OLFM3: variants seen among roughly 807,000 people sequenced by gnomAD.
OLFM3 encodes noelin-3.
Under a neutral mutation model 48.6 loss-of-function variants are expected in OLFM3, and 20 were observed. That is an observed-to-expected ratio of 0.41 (90% CI 0.29 to 0.60). The LOEUF is 0.60. OLFM3 is among the 20% of genes least tolerant of loss of function. The pLI, the probability that OLFM3 is intolerant of heterozygous loss-of-function variation, is 0.28. For missense variants in OLFM3, 437 were observed against 544.3 expected, an observed-to-expected ratio of 0.80 and a Z score of 1.96; for synonymous variants, 222 against 198.1, an observed-to-expected ratio of 1.12 and a Z score of -1.01.
chr1:101,975,257 C>T (rs1352527223), intron 1 of OLFM3, among the ~76,000 whole-genome samples: 4 of 152,248 alleles, frequency 2.6e-5, no homozygotes, highest in East Asian at 3.9e-4. Context: ...AACACACCTA[C>T]ATAGTCTCAT....
At chr1:101,965,099 A>C (rs1222757357) in intron 1 of OLFM3, among the ~76,000 whole-genome samples, 1 of 152,206 alleles carries the variant, frequency 6.6e-6, no homozygotes, top group Admixed American at 6.5e-5. Flanking sequence ...CTTTTAGGAG[A>C]GAGCAACATT....
intron 1 of OLFM3, among the ~76,000 whole-genome samples, chr1:101,875,417 A>C (rs945505268): frequency 6.6e-6 from 1 of 152,002 alleles, no homozygotes; most frequent in Non-Finnish European, 1.5e-5. Context: ...ATCAATTTTA[A>C]TAAAGGTACC....
chr1:101,906,010 T>A (rs74894564), intron 1 of OLFM3, among the ~76,000 whole-genome samples: 5 of 152,156 alleles, frequency 3.3e-5, no homozygotes, highest in African/African-American at 1.2e-4. Flanking sequence ...TCACATCTCT[T>A]CCCTTTTTTA....
chr1:101,852,190 C>T (rs541017778), intron 1 of OLFM3, among the ~76,000 whole-genome samples: 8 of 152,222 alleles, frequency 5.3e-5, no homozygotes, highest in South Asian at 2.1e-4. Flanking sequence ...AGGAATTCCA[C>T]CATTTCTCAC....
intron 1 of OLFM3, among the ~76,000 whole-genome samples, chr1:101,972,861 A>G (rs1289731881): frequency 2.6e-5 from 4 of 152,304 alleles, no homozygotes; most frequent in East Asian, 3.9e-4. Context: ...TACCACAGAA[A>G]GTGGGTTTAT....
intron 1 of OLFM3, among the ~76,000 whole-genome samples, chr1:101,953,787 G>A (rs556078555): frequency 6.6e-6 from 1 of 152,228 alleles, no homozygotes; most frequent in East Asian, 1.9e-4. Context: ...GCTGGGCCCA[G>A]CAGGTACTGT....
At chr1:101,904,720 A>C (rs1182448480) in intron 1 of OLFM3, among the ~76,000 whole-genome samples, 2 of 152,128 alleles carry the variant, frequency 1.3e-5, no homozygotes, top group Non-Finnish European at 2.9e-5. Context: ...GTGAAAACTG[A>C]TGGCAAACAA....
chr1:101,886,144 T>A (rs1657750516), intron 1 of OLFM3, among the ~76,000 whole-genome samples: 1 of 151,978 alleles, frequency 6.6e-6, no homozygotes. Flanking sequence ...TTTAAAAAAA[T>A]TTTGAGTTTT....
chr1:101,904,903 A>C (rs558944786), intron 1 of OLFM3, among the ~76,000 whole-genome samples: 1 of 152,202 alleles, frequency 6.6e-6, no homozygotes, highest in Non-Finnish European at 1.5e-5. Flanking sequence ...ACTCCCTTTC[A>C]GCATGTGGTA....
intron 1 of OLFM3, among the ~76,000 whole-genome samples, chr1:101,856,692 C>G (rs1338051704): frequency 6.6e-6 from 1 of 151,960 alleles, no homozygotes; most frequent in Non-Finnish European, 1.5e-5. Context: ...TTATGTCTCT[C>G]TCACTGACCT....
At chr1:101,831,330 A>G (rs1304721008) in intron 2 of OLFM3, among the ~76,000 whole-genome samples, 2 of 152,166 alleles carry the variant, frequency 1.3e-5, no homozygotes, top group Non-Finnish European at 2.9e-5. Flanking sequence ...GACTGAATTG[A>G]CTAAGACAAG....
chr1:101,915,401 CAATA>C (rs1284186046), intron 1 of OLFM3, among the ~76,000 whole-genome samples: 1 of 151,574 alleles, frequency 6.6e-6, no homozygotes, highest in Non-Finnish European at 1.5e-5. Flanking sequence ...TAAAGGGCAC[CAATA>C]AATAAAGTTG....
chr1:101,960,239 A>G (rs566179702), intron 1 of OLFM3, among the ~76,000 whole-genome samples: 2 of 152,264 alleles, frequency 1.3e-5, no homozygotes, highest in Admixed American at 6.5e-5. Flanking sequence ...ATGAAATATT[A>G]TAAAGGCTGA....
chr1:101,943,831 G>T (rs991234064), intron 1 of OLFM3, among the ~76,000 whole-genome samples: 1 of 151,776 alleles, frequency 6.6e-6, no homozygotes, highest in African/African-American at 2.4e-5. Context: ...TGCTGTTATT[G>T]TATATTGGTA....
chr1:101,852,616 C>G (rs1315491945), intron 1 of OLFM3, among the ~76,000 whole-genome samples: 2 of 152,076 alleles, frequency 1.3e-5, no homozygotes, highest in South Asian at 2.1e-4. Context: ...ATCTCCACTT[C>G]AGTGTTTAAC....
intron 3 of OLFM3, among the ~76,000 whole-genome samples, chr1:101,826,728 T>C (rs1654883276): frequency 6.6e-6 from 1 of 152,240 alleles, no homozygotes; most frequent in South Asian, 2.1e-4. Context: ...TTTGCTCATT[T>C]TGTCAGCTCA....
intron 1 of OLFM3, among the ~76,000 whole-genome samples, chr1:101,868,122 G>A (rs1331827652): frequency 2.6e-5 from 4 of 152,130 alleles, no homozygotes; most frequent in Non-Finnish European, 5.9e-5. Context: ...TCTCGGGTAT[G>A]TCTTATAGCA....
intron 1 of OLFM3, among the ~76,000 whole-genome samples, chr1:101,916,995 T>C (rs190953137): frequency 3.4e-3 from 519 of 152,308 alleles, no homozygotes; most frequent in South Asian, 9.9e-3. Context: ...TATTTAATCA[T>C]AGCATAAAGA....
At chr1:101,955,836 G>A (rs1660271383) in intron 1 of OLFM3, among the ~76,000 whole-genome samples, 1 of 151,702 alleles carries the variant, frequency 6.6e-6, no homozygotes, top group Admixed American at 6.6e-5. Flanking sequence ...CATACCACAG[G>A]TTCCTCAAAT....
Sources: gnomAD v4.1 joint callset for allele counts (sites outside exome capture counted in the v4.1 genomes callset) on GRCh38, gnomAD v4.1.1 for gene constraint, MANE v1.5 for transcripts, NCBI Gene and HGNC (gene_info 2026-07-23, HGNC 2026-07-21) for gene names.